FOXP1: variants seen among roughly 807,000 people sequenced by gnomAD.
FOXP1 encodes the protein forkhead box protein P1.
A neutral mutation model predicts 98.2 loss-of-function variants in FOXP1; 15 were observed. The observed-to-expected ratio is 0.15, with a 90% confidence interval of 0.10 to 0.24. The LOEUF (loss-of-function observed/expected upper bound fraction) is 0.24, where lower values mean the gene tolerates loss of function less well. Among genes scored for constraint, FOXP1 ranks in the 10% least tolerant of loss-of-function variants. The pLI is 1.00. For missense variants in FOXP1, 633 were observed against 848.5 expected (o/e 0.75, Z 3.15); for synonymous variants, 371 against 314.5 (o/e 1.18, Z -1.90).
chr3:71,206,372 T>C (rs796207780), intron 5 of FOXP1, among the ~76,000 whole-genome samples: 26 of 152,328 alleles, frequency 1.7e-4, no homozygotes, highest in African/African-American at 5.3e-4. Context: ...TCATTAAACA[T>C]TGAAAGATAA....
intron 3 of FOXP1, among the ~76,000 whole-genome samples, chr3:71,371,999 T>C (rs941132732): frequency 2.0e-5 from 3 of 151,918 alleles, no homozygotes; most frequent in Non-Finnish European, 2.9e-5. Flanking sequence ...GGATCATTCT[T>C]TCGTCTTTTC....
chr3:71,265,304 A>G (rs576790711), intron 5 of FOXP1, among the ~76,000 whole-genome samples: 29 of 152,284 alleles, frequency 1.9e-4, no homozygotes, highest in African/African-American at 7.0e-4. Flanking sequence ...CAGGAGACAA[A>G]GCACAGGATA....
rs1200002552 is a variant in FOXP1, at chr3:70,957,399, G to A, written c.*1848C>T. 4 of 229,088 alleles carry A rather than the reference G, an allele frequency of 1.7e-5. No homozygotes were observed. The highest frequency in any genetic ancestry group is 4.4e-5 in the African/African-American group (2 of 45,064). 14.2% of individuals were successfully genotyped at this position (229,088 alleles called of 1,614,324 possible). ...CTTTCTCAGGTTGCAATAGCCTATCGCTTGTCATTTGCCTCTAAATTCTTT... is the reference window on the plus strand; with the variant it reads ...CTTTCTCAGGTTGCAATAGCCTATCACTTGTCATTTGCCTCTAAATTCTTT... On this transcript the variant is annotated 3_prime_UTR_variant, in exon 21 of 21. Transcript: ENST00000649528.
At chr3:71,430,831 C>A (rs534656644) in intron 3 of FOXP1, among the ~76,000 whole-genome samples, 2 of 152,038 alleles carry the variant, frequency 1.3e-5, no homozygotes, top group South Asian at 4.2e-4. Context: ...GGGGAGGCGG[C>A]GGGGGGCAGG....
chr3:71,539,703 T>C (rs1056770057), intron 2 of FOXP1, among the ~76,000 whole-genome samples: 3 of 152,178 alleles, frequency 2.0e-5, no homozygotes, highest in African/African-American at 7.2e-5. Context: ...TTTTATTATA[T>C]CTATTCCTAA....
chr3:71,062,222 G>C (rs968812175), intron 7 of FOXP1, among the ~76,000 whole-genome samples: 1 of 152,132 alleles, frequency 6.6e-6, no homozygotes, highest in Non-Finnish European at 1.5e-5. Flanking sequence ...GCAGGGTTAC[G>C]CAACACTGCA....
intron 5 of FOXP1, among the ~76,000 whole-genome samples, chr3:71,267,970 A>T (rs1321769135): frequency 6.0e-5 from 9 of 149,602 alleles, no homozygotes; most frequent in Admixed American, 6.0e-4. Context: ...GTGAGCTGAG[A>T]TCACAGCACT....
chr3:71,333,021 T>C (rs1237778384), intron 4 of FOXP1: 9 of 152,264 alleles, frequency 5.9e-5, no homozygotes, highest in Admixed American at 5.9e-4. Flanking sequence ...AAAGGGCCCG[T>C]ATTAAGAAAA....
intron 12 of FOXP1, among the ~76,000 whole-genome samples, chr3:71,008,466 G>A (rs143305736): frequency 1.7e-3 from 258 of 152,180 alleles, no homozygotes; most frequent in African/African-American, 5.6e-3. Flanking sequence ...TTCTGTTATC[G>A]GAGGATGCCA....
In FOXP1 at chr3:71,041,649, T is replaced by C. The variant is rs1003852388; in HGVS notation, c.665-117A>G. 18 of 1,008,344 alleles carry C rather than the reference T, an allele frequency of 1.8e-5. No homozygotes were observed. In the African/African-American group the frequency reaches 2.7e-4, roughly 15 times the overall value. 62.5% of individuals were successfully genotyped at this position (1,008,344 alleles called of 1,614,324 possible). A position where few individuals can be genotyped will look rare whatever the true frequency, so the allele number is the denominator to read the frequency against. On this transcript the variant is annotated intron_variant, in intron 10 of 20. Coordinates refer to ENST00000649528, the MANE Select transcript of FOXP1 (RefSeq NM_001349338.3). ...CTAGTGTTAGGGGGGTTTTTCGGTG[T>C]GTGCAGTTTTTTTTCCCCTCCCAAC... is the stretch of plus-strand genomic sequence containing the variant.
intron 3 of FOXP1, among the ~76,000 whole-genome samples, chr3:71,488,614 T>C (rs957244633): frequency 4.6e-5 from 7 of 152,244 alleles, no homozygotes; most frequent in African/African-American, 1.7e-4. Flanking sequence ...GCCAGTTAGC[T>C]ATGTGGAAAA....
chr3:70,972,018 C>G, intron 18 of FOXP1: 1 of 1,433,172 alleles, frequency 7.0e-7, no homozygotes, highest in Non-Finnish European at 9.1e-7. Context: ...TACTGTGCGA[C>G]AAGCTCGTCA....
intron 5 of FOXP1, among the ~76,000 whole-genome samples, chr3:71,205,706 C>T (rs968221051): frequency 5.9e-5 from 9 of 152,256 alleles, no homozygotes; most frequent in Non-Finnish European, 8.8e-5. Context: ...TGTGTCCAAA[C>T]GGCGCCACTG....
At chr3:71,250,038 C>G (rs1284805582) in intron 5 of FOXP1, among the ~76,000 whole-genome samples, 2 of 152,210 alleles carry the variant, frequency 1.3e-5, no homozygotes, top group East Asian at 3.8e-4. Flanking sequence ...AACTGAGGAG[C>G]TGGGGGCCAC....
chr3:71,376,648 C>A (rs147013510), intron 3 of FOXP1, among the ~76,000 whole-genome samples: 1 of 152,188 alleles, frequency 6.6e-6, no homozygotes, highest in Non-Finnish European at 1.5e-5. Flanking sequence ...AGGGGGCTCA[C>A]GGGAAACAAC....
intron 17 of FOXP1, among the ~76,000 whole-genome samples, chr3:70,976,137 C>T (rs1419419757): frequency 1.3e-5 from 2 of 150,942 alleles, no homozygotes; most frequent in Admixed American, 6.6e-5. Context: ...GCAGCCTCAA[C>T]CTCCTTGCCT....
chr3:71,318,976 G>C (rs2075240856), intron 4 of FOXP1, among the ~76,000 whole-genome samples: 1 of 152,164 alleles, frequency 6.6e-6, no homozygotes. Context: ...GGATGAGGAG[G>C]ACATTCATAA....
intron 7 of FOXP1, among the ~76,000 whole-genome samples, chr3:71,086,212 C>T (rs2055081519): frequency 6.6e-6 from 1 of 152,182 alleles, no homozygotes; most frequent in Admixed American, 6.5e-5. Flanking sequence ...TTCTTTGTAG[C>T]TGCAAACCTG....
At position 71,283,837 on chromosome 3, in the gene FOXP1, T is replaced by C. The variant is rs76266557; in HGVS notation, c.-12+15983A>G. Among the ~76,000 whole-genome samples, 1,522 of 152,252 alleles carry C rather than the reference T, an allele frequency of 1.0e-2. 30 individuals are homozygous for C. Among genetic ancestry groups the C allele is most frequent in the African/African-American group, 0.034 (1,426 of 41,528 alleles). On this transcript the variant is annotated intron_variant, in intron 5 of 20. Coordinates refer to ENST00000649528, the MANE Select transcript of FOXP1 (RefSeq NM_001349338.3). ...AATAATTATCTGGTGAATAAAGAAA[T>C]GAATTTAAAGCTTCAAAGTACCATA...
Sources: allele counts gnomAD v4.1 joint callset (sites outside exome capture counted in the v4.1 genomes callset), GRCh38; gene constraint gnomAD v4.1.1; transcripts MANE v1.5; gene names NCBI Gene and HGNC (gene_info 2026-07-23, HGNC 2026-07-21).